HUWE1: variants seen among roughly 807,000 people sequenced by gnomAD.
HUWE1 encodes the protein HECT, UBA and WWE domain containing E3 ubiquitin protein ligase 1.
A neutral mutation model predicts 299.4 loss-of-function variants in HUWE1; 18 were observed. The ratio of observed to expected loss-of-function variants is 0.06; its 90% CI spans 0.04 to 0.09. HUWE1 has a LOEUF of 0.09. Among genes scored for constraint, HUWE1 ranks in the 10% least tolerant of loss-of-function variants. HUWE1 has a pLI of 1.00. For synonymous variants in HUWE1, 1,317 were observed against 1,286.1 expected, an observed-to-expected ratio of 1.02 and a Z score of -0.51; for missense variants, 1,832 against 3,462.3, an observed-to-expected ratio of 0.53 and a Z score of 11.82.
intron 4 of HUWE1, among the ~76,000 whole-genome samples, chrX:53,653,707 T>C (rs1361812681): frequency 8.9e-6 from 1 of 112,228 alleles, no homozygotes; most frequent in Non-Finnish European, 1.9e-5. Context: ...AAAAACAAAA[T>C]TGCAAGATCC....
At chrX:53,553,489 C>T (rs1221803818) in intron 61 of HUWE1, among the ~76,000 whole-genome samples, 4 of 106,968 alleles carry the variant, frequency 3.7e-5, no homozygotes, top group South Asian at 4.5e-4. Flanking sequence ...ACCACTTGCA[C>T]GTGCATATCC....
chrX:53,643,192 G>A (rs2067722698), intron 7 of HUWE1, among the ~76,000 whole-genome samples: 1 of 111,562 alleles, frequency 9.0e-6, no homozygotes, highest in Admixed American at 9.5e-5. Context: ...TTACTTTCAG[G>A]TTTATGCCAT....
chrX:53,539,847 C>A (rs782561042), intron 74 of HUWE1, 35 bp from the exon 75 acceptor site: 1 of 1,173,917 alleles, frequency 8.5e-7, no homozygotes, highest in Admixed American at 2.3e-5. Context: ...AGAAAGTCTT[C>A]AAAATTTCCC....
At chrX:53,680,748 T>C (rs782284306) in intron 2 of HUWE1, 3 of 112,423 alleles carry the variant, frequency 2.7e-5, no homozygotes, top group African/African-American at 9.7e-5. Flanking sequence ...CCAGATTTAT[T>C]CTATTGCTCA....
At chrX:53,625,865 G>T in intron 17 of HUWE1, 1 of 237,169 alleles carries the variant, frequency 4.2e-6, no homozygotes, top group Admixed American at 4.7e-5. Flanking sequence ...GGCCGGGGCC[G>T]GGGCCGGGGC....
intron 19 of HUWE1, among the ~76,000 whole-genome samples, chrX:53,620,655 T>C (rs900462407): frequency 1.8e-5 from 2 of 111,988 alleles, no homozygotes; most frequent in Non-Finnish European, 1.9e-5. Flanking sequence ...GATCTCTCTT[T>C]TGCCGATTGC....
intron 68 of HUWE1, among the ~76,000 whole-genome samples, chrX:53,547,225 C>T (rs1467354875): frequency 2.7e-5 from 3 of 112,185 alleles, no homozygotes; most frequent in African/African-American, 9.7e-5. Context: ...TGGCAGGGCT[C>T]ATTACCTTTA....
intron 29 of HUWE1, 144 bp downstream of exon 29, chrX:53,599,974 A>G: frequency 1.9e-6 from 1 of 529,952 alleles, no homozygotes; most frequent in Non-Finnish European, 3.3e-6. Flanking sequence ...GTCACATAGC[A>G]GCCACTCAAC....
At chrX:53,624,392 G>C (rs782116718) in intron 19 of HUWE1, among the ~76,000 whole-genome samples, 57 of 112,295 alleles carry the variant, frequency 5.1e-4, no homozygotes, top group African/African-American at 1.8e-3. Flanking sequence ...AGCTACTCGG[G>C]AGGCTGAGGC....
chrX:53,566,620 A>C (rs1272621803), intron 49 of HUWE1, among the ~76,000 whole-genome samples: 1 of 110,925 alleles, frequency 9.0e-6, no homozygotes, highest in Admixed American at 9.5e-5. Context: ...CCAGCTAATT[A>C]TTGTATTTTT....
intron 19 of HUWE1, among the ~76,000 whole-genome samples, chrX:53,617,955 A>G (rs781957834): frequency 8.9e-6 from 1 of 112,352 alleles, no homozygotes; most frequent in South Asian, 3.6e-4. Context: ...GCCTCATACA[A>G]AGGTTATTCA....
At position 53,568,859 on chromosome X, in the gene HUWE1, C is replaced by T; in HGVS notation, c.6540G>A (p.Met2180Ile). 1 of 1,202,119 alleles carries T rather than the reference C, an allele frequency of 8.3e-7. No individual in the cohort carries two copies. Among genetic ancestry groups the T allele is most frequent in the Non-Finnish European group, 1.1e-6 (1 of 889,817 alleles). The change falls in exon 49 of 84, where the codon ATG (methionine) becomes ATA (isoleucine). Residue 2180 changes from methionine (M) to isoleucine (I), a missense_variant. Met to Ile is a conservative substitution (Grantham distance 10). Around this residue, in one of 15 missense-constraint regions of HUWE1, gnomAD observed 157 missense variants for 252.3 expected, o/e 0.62. Transcript: ENST00000262854. ...TEKHARLQAV[M>I]CIISTIMESC... is the part of the protein sequence containing the mutation. ...ACTCCATGATAGTACTGATGATACA[C>T]ATCACTGCCTGAAGCCTGGGAGAGA...
chrX:53,572,930 T>A (rs2147942431), intron 47 of HUWE1, among the ~76,000 whole-genome samples: 1 of 111,210 alleles, frequency 9.0e-6, no homozygotes, highest in Admixed American at 9.5e-5. Flanking sequence ...TCTTGTTAGA[T>A]GCCAACCCAT....
At chrX:53,678,315 G>A (rs989142409) in intron 3 of HUWE1, among the ~76,000 whole-genome samples, 6 of 111,778 alleles carry the variant, frequency 5.4e-5, no homozygotes, top group Non-Finnish European at 1.1e-4. Flanking sequence ...TGGTCAACAA[G>A]TACATCAAGT....
At chrX:53,683,485 C>A (rs782602050) in intron 2 of HUWE1, among the ~76,000 whole-genome samples, 2 of 111,144 alleles carry the variant, frequency 1.8e-5, no homozygotes, top group South Asian at 3.8e-4. Flanking sequence ...TCTTTCCCAC[C>A]GTTCAATTTA....
chrX:53,662,563 A>C (rs782632937), intron 3 of HUWE1, among the ~76,000 whole-genome samples: 1 of 112,022 alleles, frequency 8.9e-6, no homozygotes, highest in South Asian at 3.7e-4. Context: ...ACAAGTATCA[A>C]CTGTAATTAC....
intron 30 of HUWE1, 71 bp from the exon 31 acceptor site, chrX:53,594,692 TAAAAGGC>T (rs781848752): frequency 5.0e-4 from 547 of 1,096,724 alleles, no homozygotes; most frequent in Admixed American, 1.3e-3. Context: ...GAAATTCATG[TAAAAGGC>T]AAGAGTAAAA....
At position 53,580,486 on chromosome X, in the gene HUWE1, G is replaced by A. The variant is rs143007052; in HGVS notation, c.5716+345C>T. ...GGAATACACAGATGACGTCTATTTCGCACTGTGTTACACGAGACATACATC... is the reference window on the plus strand; with the variant it reads ...GGAATACACAGATGACGTCTATTTCACACTGTGTTACACGAGACATACATC... On this transcript the variant is annotated intron_variant, in intron 43 of 83. Coordinates refer to ENST00000262854, the MANE Select transcript of HUWE1 (RefSeq NM_031407.7). Among the ~76,000 whole-genome samples the A allele has an allele frequency of 3.3e-3, 368 of 111,888 alleles. 4 individuals are homozygous for A. The highest frequency in any genetic ancestry group is 0.011 in the African/African-American group (353 of 30,757).
intron 7 of HUWE1, among the ~76,000 whole-genome samples, chrX:53,636,648 G>C (rs1569504184): frequency 8.9e-6 from 1 of 111,827 alleles, no homozygotes; most frequent in Non-Finnish European, 1.9e-5. Context: ...CCTGAACCCG[G>C]GAGGCAGAGG....
Sources: allele counts gnomAD v4.1 joint callset (sites outside exome capture counted in the v4.1 genomes callset), GRCh38; gene constraint gnomAD v4.1.1; regional missense constraint gnomAD v4.1.1; transcripts MANE v1.5; gene names NCBI Gene and HGNC (gene_info 2026-07-23, HGNC 2026-07-21).